PIAS2: variants seen among roughly 807,000 people sequenced by gnomAD.
PIAS2 encodes protein inhibitor of activated STAT 2.
In PIAS2, 19 loss-of-function variants were observed where a neutral mutation model predicts 69.7. The ratio of observed to expected loss-of-function variants is 0.27; its 90% CI spans 0.19 to 0.40. The LOEUF (loss-of-function observed/expected upper bound fraction) is 0.40. PIAS2 is among the 10% of genes least tolerant of loss of function. The pLI, the probability that PIAS2 is intolerant of heterozygous loss-of-function variation, is 1.00. For synonymous variants in PIAS2, 261 were observed against 263.2 expected (o/e 0.99, Z 0.08); for missense variants, 624 against 757.0 (o/e 0.82, Z 2.06).
chr18:46,866,015 A>C (rs1053223782), intron 2 of PIAS2, among the ~76,000 whole-genome samples: 9 of 152,230 alleles, frequency 5.9e-5, no homozygotes, highest in Admixed American at 3.9e-4. Flanking sequence ...ATTACAAGTA[A>C]ACATGCTGCA....
intron 1 of PIAS2, chr18:46,906,183 A>G (rs887071106): frequency 1.3e-5 from 2 of 152,160 alleles, no homozygotes; most frequent in Non-Finnish European, 2.9e-5. Flanking sequence ...CCTTAACCTG[A>G]AAAGATTATC....
chr18:46,830,213 G>A (rs2043399645), intron 9 of PIAS2, among the ~76,000 whole-genome samples: 2 of 152,008 alleles, frequency 1.3e-5, no homozygotes, highest in Admixed American at 1.3e-4. Flanking sequence ...GCAGATAAAG[G>A]TTACTATATA....
chr18:46,912,315 C>T (rs921206327), intron 1 of PIAS2, among the ~76,000 whole-genome samples: 6 of 152,182 alleles, frequency 3.9e-5, no homozygotes, highest in Non-Finnish European at 4.4e-5. Flanking sequence ...CATCCTCCTA[C>T]GTACTTTACA....
At chr18:46,894,902 C>T (rs753798600) in intron 1 of PIAS2, among the ~76,000 whole-genome samples, 2 of 151,722 alleles carry the variant, frequency 1.3e-5, no homozygotes, top group Non-Finnish European at 2.9e-5. Context: ...GAAACCCCGT[C>T]TCTACTAAAA....
At chr18:46,847,827 T>C (rs2046378743) in intron 5 of PIAS2, among the ~76,000 whole-genome samples, 1 of 152,208 alleles carries the variant, frequency 6.6e-6, no homozygotes, top group African/African-American at 2.4e-5. Context: ...TGATTCGCAG[T>C]ATATCCAATT....
chr18:46,888,054 T>C (rs182593620), intron 2 of PIAS2, among the ~76,000 whole-genome samples: 18 of 152,286 alleles, frequency 1.2e-4, no homozygotes, highest in African/African-American at 4.3e-4. Context: ...ATCAATTGCA[T>C]TTTTATAAAC....
At chr18:46,862,905 C>A (rs1259716116) in intron 3 of PIAS2, among the ~76,000 whole-genome samples, 1 of 152,060 alleles carries the variant, frequency 6.6e-6, no homozygotes, top group Non-Finnish European at 1.5e-5. Context: ...TGGGTTTCGC[C>A]ATGTTGGCCA....
intron 3 of PIAS2, among the ~76,000 whole-genome samples, chr18:46,856,062 G>A (rs1428972729): frequency 6.4e-5 from 8 of 125,922 alleles, no homozygotes; most frequent in Non-Finnish European, 9.3e-5. Flanking sequence ...CTGGAGTGCA[G>A]TGGCGCGATC....
At chr18:46,832,130 C>CAA (rs1944414885) in intron 9 of PIAS2, among the ~76,000 whole-genome samples, 1 of 152,098 alleles carries the variant, frequency 6.6e-6, no homozygotes, top group Non-Finnish European at 1.5e-5. Context: ...AAAAAGTGGG[C>CAA]AAAAGGCCAG....
rs1258435374 is a variant in PIAS2 at position 46,808,790 on chromosome 18, T to TTTA, written c.*3640_*3642dup. On this transcript the variant is annotated 3_prime_UTR_variant, in exon 14 of 14. Transcript: ENST00000585916. Reference sequence around the variant, plus strand: ...AGGAAAAATTAAGAAAATAAAAATGTTTACTAAAGAAAGAATGGTCCGGCT... The same window carrying TTTA: ...AGGAAAAATTAAGAAAATAAAAATGTTTATTACTAAAGAAAGAATGGTCCGGCT... 3 of 151,480 alleles carry TTTA rather than the reference T, an allele frequency of 2.0e-5. No individual in the cohort carries two copies. Among genetic ancestry groups the TTTA allele is most frequent in the Non-Finnish European group, 4.4e-5 (3 of 67,900 alleles). The allele number at this position is 151,480 out of a possible 1,614,324, so 9.4% of individuals were successfully genotyped here. A position where few individuals can be genotyped will look rare whatever the true frequency, so the allele number is the denominator to read the frequency against.
intron 13 of PIAS2, 59 bp from the exon 14 acceptor site, chr18:46,812,671 G>A (rs897797049): frequency 7.7e-6 from 8 of 1,038,270 alleles, no homozygotes; most frequent in South Asian, 6.4e-5. Flanking sequence ...TAAATAAAGA[G>A]ACTAGAAATT....
chr18:46,881,834 C>T (rs1598771976), intron 2 of PIAS2, among the ~76,000 whole-genome samples: 1 of 152,250 alleles, frequency 6.6e-6, no homozygotes, highest in South Asian at 2.1e-4. Flanking sequence ...CACGGTGGCT[C>T]ACGCCTGTAA....
chr18:46,806,586 C>T lies in PIAS2; in HGVS notation c.*5847G>A, dbSNP rs2040700394. On this transcript the variant is annotated 3_prime_UTR_variant, in exon 14 of 14. Transcript: ENST00000585916. ...GGCCAGGCTGGTCTCAAACTCCTGG[C>T]CTCAAGTGATTTGCCTGCCTTGGCT... 6.6e-6 allele frequency: 1 copy of T among 151,748 alleles called. No homozygotes were observed. Among genetic ancestry groups the T allele is most frequent in the African/African-American group, 2.4e-5 (1 of 41,278 alleles). The allele number at this position is 151,748 out of a possible 1,614,324, so 9.4% of individuals were successfully genotyped here.
intron 1 of PIAS2, among the ~76,000 whole-genome samples, chr18:46,898,599 GAA>G (rs898049319): frequency 2.0e-5 from 3 of 152,014 alleles, no homozygotes; most frequent in African/African-American, 4.8e-5. Flanking sequence ...TCAAATGGCT[GAA>G]AAAGAGTATT....
At chr18:46,816,442 T>G in intron 12 of PIAS2, 3 of 985,208 alleles carry the variant, frequency 3.0e-6, no homozygotes, top group Non-Finnish European at 3.6e-6. Flanking sequence ...CAACGATTTC[T>G]AAAGCCTTTT....
In PIAS2 at chr18:46,877,394, CCTGCT is replaced by C. The variant is rs540884030; in HGVS notation, c.500-13151_500-13147del. Reference sequence around the variant, plus strand: ...CTTCCTTGTCTCTTCTTCTAAGCTACCTGCTCTGTAAACAACTTCTCCTGCGAGTC... The same window carrying C: ...CTTCCTTGTCTCTTCTTCTAAGCTACCTGTAAACAACTTCTCCTGCGAGTC... On this transcript the variant is annotated intron_variant, in intron 2 of 13. Coordinates refer to ENST00000585916, the MANE Select transcript of PIAS2 (RefSeq NM_004671.5). 5.1e-4 allele frequency among the ~76,000 whole-genome samples: 78 copies of C among 152,278 alleles called. 1 individual carries two copies. The Middle Eastern group carries it at 0.02, about 40-fold the overall frequency.
intron 12 of PIAS2, chr18:46,816,852 CAA>C (rs2041608659): frequency 1.0e-6 from 1 of 979,370 alleles, no homozygotes; most frequent in African/African-American, 1.8e-5. Context: ...AGAATTACAA[CAA>C]ACTTTTCCAA....
intron 1 of PIAS2, among the ~76,000 whole-genome samples, chr18:46,903,316 A>G (rs1003540056): frequency 1.3e-5 from 2 of 152,246 alleles, no homozygotes; most frequent in Admixed American, 1.3e-4. Flanking sequence ...CATATCTGAC[A>G]AAGGACTACT....
At chr18:46,846,599 T>C in intron 6 of PIAS2, 108 bp downstream of exon 6, 1 of 1,130,086 alleles carries the variant, frequency 8.8e-7, no homozygotes, top group Non-Finnish European at 1.2e-6. Context: ...TTTTTAGAGA[T>C]TACAATCCAA....
Sources: gnomAD v4.1 joint callset for allele counts (sites outside exome capture counted in the v4.1 genomes callset) on GRCh38, gnomAD v4.1.1 for gene constraint, MANE v1.5 for transcripts, NCBI Gene and HGNC (gene_info 2026-07-23, HGNC 2026-07-21) for gene names.